The following SOX5 variants were observed in gnomAD, a reference collection of about 807,000 sequenced individuals.
SOX5 encodes transcription factor SOX-5.
SOX5 carries 9 observed loss-of-function variants against 92.0 expected under a neutral mutation model. The observed-to-expected ratio is 0.10, with a 90% CI of 0.06 to 0.17. SOX5 has a LOEUF of 0.17. Among genes scored for constraint, SOX5 ranks in the 10% least tolerant of loss-of-function variants. The pLI is 1.00. For synonymous variants in SOX5, 344 were observed against 336.3 expected, an observed-to-expected ratio of 1.02 and a Z score of -0.25; for missense variants, 642 against 944.5, an observed-to-expected ratio of 0.68 and a Z score of 4.20.
chr12:23,988,133 T>C (rs1448799574), intron 4 of SOX5, among the ~76,000 whole-genome samples: 2 of 152,202 alleles, frequency 1.3e-5, no homozygotes, highest in Non-Finnish European at 1.5e-5. Flanking sequence ...ATTTTTAACT[T>C]GAAAAAGTAT....
chr12:24,516,259 G>A (rs1196513813), intron 1 of SOX5, among the ~76,000 whole-genome samples: 2 of 151,892 alleles, frequency 1.3e-5, no homozygotes, highest in African/African-American at 4.8e-5. Flanking sequence ...TGTTACCCCA[G>A]CTGGTCTCTG....
chr12:24,152,793 T>C (rs974431460), intron 4 of SOX5, among the ~76,000 whole-genome samples: 1 of 151,810 alleles, frequency 6.6e-6, no homozygotes, highest in Non-Finnish European at 1.5e-5. Flanking sequence ...TGTTATAAAA[T>C]TGAGCACAGA....
intron 8 of SOX5, among the ~76,000 whole-genome samples, chr12:23,629,425 G>A (rs2078249584): frequency 6.6e-6 from 1 of 152,012 alleles, no homozygotes; most frequent in African/African-American, 2.4e-5. Flanking sequence ...GCACCCTTTT[G>A]TTAATATCTG....
At chr12:23,931,309 C>T (rs1941347189) in intron 1 of SOX5, among the ~76,000 whole-genome samples, 1 of 151,636 alleles carries the variant, frequency 6.6e-6, no homozygotes, top group Non-Finnish European at 1.5e-5. Flanking sequence ...CAATTACTTA[C>T]AACAAAAAAA....
intron 2 of SOX5, among the ~76,000 whole-genome samples, chr12:24,335,441 T>C (rs1951779825): frequency 6.6e-6 from 1 of 152,188 alleles, no homozygotes; most frequent in South Asian, 2.1e-4. Context: ...CAGCACACAT[T>C]ATCAACTTAC....
intron 2 of SOX5, among the ~76,000 whole-genome samples, chr12:24,301,517 C>G (rs980270088): frequency 2.0e-5 from 3 of 152,128 alleles, no homozygotes; most frequent in Non-Finnish European, 2.9e-5. Flanking sequence ...AATAAAAGAG[C>G]AGGCGCCAAA....
chr12:24,039,857 C>A (rs1357470783), intron 4 of SOX5, among the ~76,000 whole-genome samples: 1 of 152,086 alleles, frequency 6.6e-6, no homozygotes, highest in Non-Finnish European at 1.5e-5. Flanking sequence ...TTATCAAATG[C>A]CTATTGTGTC....
intron 4 of SOX5, among the ~76,000 whole-genome samples, chr12:23,991,609 G>A (rs886728841): frequency 5.3e-5 from 8 of 151,902 alleles, no homozygotes; most frequent in African/African-American, 1.9e-4. Flanking sequence ...CTATTTTGTA[G>A]ATACCAAGAA....
intron 1 of SOX5, among the ~76,000 whole-genome samples, chr12:24,531,009 A>T (rs1951152443): frequency 6.6e-6 from 1 of 152,158 alleles, no homozygotes; most frequent in African/African-American, 2.4e-5. Context: ...ATTTATGACT[A>T]TATAAGTTAG....
At chr12:23,683,056 T>A (rs952543810) in intron 6 of SOX5, among the ~76,000 whole-genome samples, 19 of 152,016 alleles carry the variant, frequency 1.2e-4, no homozygotes, top group Admixed American at 1.1e-3. Flanking sequence ...TAGTTTGTAA[T>A]GACTAGCTTT....
At chr12:23,614,589 T>C (rs1337085234) in intron 8 of SOX5, among the ~76,000 whole-genome samples, 1 of 152,242 alleles carries the variant, frequency 6.6e-6, no homozygotes, top group Non-Finnish European at 1.5e-5. Flanking sequence ...GATGATGTTT[T>C]CCAATTTTCC....
At chr12:24,176,736 C>T (rs995259827) in intron 4 of SOX5, among the ~76,000 whole-genome samples, 1 of 152,138 alleles carries the variant, frequency 6.6e-6, no homozygotes, top group African/African-American at 2.4e-5. Context: ...GCACTAGGGG[C>T]AAAGATGTGG....
intron 4 of SOX5, among the ~76,000 whole-genome samples, chr12:23,970,276 T>C (rs1360043035): frequency 3.3e-5 from 5 of 152,022 alleles, no homozygotes; most frequent in African/African-American, 9.7e-5. Flanking sequence ...ATAATTCGCA[T>C]ATAGAATTTA....
At chr12:23,755,812 C>T in intron 3 of SOX5, 88 bp from the exon 4 acceptor site, 1 of 796,848 alleles carries the variant, frequency 1.3e-6, no homozygotes, top group Admixed American at 3.2e-5. Context: ...AAAATAAGGC[C>T]ATCCCTATCC....
chr12:24,523,675 A>G (rs983310893), intron 1 of SOX5, among the ~76,000 whole-genome samples: 3 of 152,206 alleles, frequency 2.0e-5, no homozygotes, highest in Admixed American at 6.5e-5. Flanking sequence ...TGCTGGGAAA[A>G]CTGGATATTC....
intron 8 of SOX5, among the ~76,000 whole-genome samples, chr12:23,606,472 T>C (rs10842189): frequency 0.13 from 19,475 of 151,644 alleles, 1,737 homozygotes; most frequent in East Asian, 0.23. Context: ...ATACAATATC[T>C]GTGATAAAGA....
chr12:24,395,132 T>C (rs1233711011), intron 1 of SOX5, among the ~76,000 whole-genome samples: 1 of 152,240 alleles, frequency 6.6e-6, no homozygotes, highest in Non-Finnish European at 1.5e-5. Flanking sequence ...TCAGTCCTTT[T>C]CTTCTTCCAT....
intron 9 of SOX5, among the ~76,000 whole-genome samples, chr12:23,600,868 C>A (rs767007005): frequency 6.6e-6 from 1 of 151,982 alleles, no homozygotes; most frequent in Non-Finnish European, 1.5e-5. Flanking sequence ...CTCAGTACAG[C>A]ACTCGTATAA....
intron 2 of SOX5, among the ~76,000 whole-genome samples, chr12:24,361,885 T>C (rs987619617): frequency 3.3e-5 from 5 of 152,222 alleles, no homozygotes; most frequent in South Asian, 4.1e-4. Flanking sequence ...CAAGGTAGAA[T>C]AGGCTTTCTT....
Sources: allele counts gnomAD v4.1 joint callset (sites outside exome capture counted in the v4.1 genomes callset), GRCh38; gene constraint gnomAD v4.1.1; transcripts MANE v1.5; gene names NCBI Gene and HGNC (gene_info 2026-07-23, HGNC 2026-07-21).